Variants in COA1 observed in about 807,000 individuals in gnomAD.
The protein encoded by COA1 is cytochrome c oxidase assembly factor 1 homolog.
In COA1, 13 loss-of-function variants were observed where a neutral mutation model predicts 16.0. That is an observed-to-expected ratio of 0.81 (90% CI 0.53 to 1.29). COA1 has a LOEUF of 1.29. COA1 is among the 50% of genes most tolerant of loss of function. The pLI, the probability that COA1 is intolerant of heterozygous loss-of-function variation, is 0.00. For synonymous variants in COA1, 65 were observed against 65.7 expected (o/e 0.99, Z 0.05); for missense variants, 179 against 177.0 (o/e 1.01, Z -0.06).
chr7:43,647,509 C>A, intron 3 of COA1, 26 bp downstream of exon 3: 3 of 1,530,870 alleles, frequency 2.0e-6, no homozygotes, highest in Non-Finnish European at 1.8e-6. Flanking sequence ...GGAGGTCAGG[C>A]CGCAGGCGGC....
chr7:43,633,390 T>A (rs2085357082), intron 6 of COA1: 1 of 152,188 alleles, frequency 6.6e-6, no homozygotes, highest in Non-Finnish European at 1.5e-5. Flanking sequence ...TACTGTTGTG[T>A]CTCAGGGAAT....
At chr7:43,713,091 G>A (rs941817509) in intron 1 of COA1, among the ~76,000 whole-genome samples, 2 of 152,046 alleles carry the variant, frequency 1.3e-5, no homozygotes, top group Non-Finnish European at 2.9e-5. Context: ...TAGCTGGGAT[G>A]ACAGGATGCA....
intron 6 of COA1, among the ~76,000 whole-genome samples, chr7:43,630,947 T>C (rs938731931): frequency 1.3e-5 from 2 of 152,200 alleles, no homozygotes; most frequent in East Asian, 1.9e-4. Context: ...TTGAGATCTA[T>C]GTCAGACAAT....
At chr7:43,623,009 A>G (rs1331185512) in intron 6 of COA1, 2 of 152,410 alleles carry the variant, frequency 1.3e-5, no homozygotes, top group African/African-American at 4.8e-5. Context: ...TCTCAATTCT[A>G]TAGATGCAAC....
intron 1 of COA1, among the ~76,000 whole-genome samples, chr7:43,716,356 A>C (rs184577932): frequency 6.6e-6 from 1 of 152,296 alleles, no homozygotes; most frequent in East Asian, 1.9e-4. Context: ...GTGGTCTCAG[A>C]TGGAGATGAG....
rs910749862 is a variant in COA1 at position 43,697,790 on chromosome 7, A to G, written c.-39+31639T>C. On this transcript the variant is annotated intron_variant, in intron 1 of 5. Transcript: ENST00000223336. ...TTCCATGGCACATTTCTATTTAAAT[A>G]TTAATCATCTGTAAACATTCCCACA... Among the ~76,000 whole-genome samples, 6 of 152,298 alleles carry G rather than the reference A, an allele frequency of 3.9e-5. No individual in the cohort carries two copies. The South Asian group carries it at 1.2e-3, about 32-fold the overall frequency.
intron 1 of COA1, among the ~76,000 whole-genome samples, chr7:43,693,121 C>G (rs1023180867): frequency 3.3e-5 from 5 of 152,136 alleles, no homozygotes; most frequent in African/African-American, 1.2e-4. Flanking sequence ...CAGCCTTATT[C>G]AGCCACAGCT....
chr7:43,710,734 C>T (rs1281408154), intron 1 of COA1, among the ~76,000 whole-genome samples: 1 of 152,160 alleles, frequency 6.6e-6, no homozygotes, highest in East Asian at 1.9e-4. Flanking sequence ...GTTAGGTAAA[C>T]TTGTCCAAAG....
chr7:43,687,454 A>G (rs2094090505), intron 1 of COA1, among the ~76,000 whole-genome samples: 2 of 152,180 alleles, frequency 1.3e-5, no homozygotes, highest in African/African-American at 4.8e-5. Context: ...AATATATATA[A>G]ACATATACCT....
chr7:43,643,352 CG>C (rs1770183221), intron 4 of COA1, among the ~76,000 whole-genome samples: 1 of 152,228 alleles, frequency 6.6e-6, no homozygotes, highest in Non-Finnish European at 1.5e-5. Flanking sequence ...CTGAGAGAAA[CG>C]CAACAGCCAG....
Position 43,615,558 on chromosome 7 carries a change from T to C in COA1, c.*134-6063A>G, listed in dbSNP as rs79462818. Among the ~76,000 whole-genome samples the C allele has an allele frequency of 3.3e-5, 5 of 152,190 alleles. No individual in the cohort carries two copies. In the East Asian group the frequency reaches 7.7e-4, roughly 23 times the overall value. Reference sequence around the variant, plus strand: ...GTCTGAGGACTCATAGTCATGATGGTACATAGGTGTTTTTTTCGTGAAGAA... The same window carrying C: ...GTCTGAGGACTCATAGTCATGATGGCACATAGGTGTTTTTTTCGTGAAGAA... On this transcript the variant is annotated intron_variant and NMD_transcript_variant, in intron 6 of 6. Coordinates refer to the COA1 transcript ENST00000415076.
chr7:43,619,609 C>T, intron 6 of COA1: 2 of 1,613,162 alleles, frequency 1.2e-6, no homozygotes, highest in Non-Finnish European at 1.7e-6. Context: ...TCAGAATATT[C>T]TGTTGACAAG....
intron 1 of COA1, among the ~76,000 whole-genome samples, chr7:43,721,713 G>A (rs559671212): frequency 6.6e-6 from 1 of 152,114 alleles, no homozygotes; most frequent in Non-Finnish European, 1.5e-5. Flanking sequence ...TGACTATGGT[G>A]TTGGTTATAG....
At chr7:43,642,604 T>C (rs1230184723) in intron 4 of COA1, among the ~76,000 whole-genome samples, 1 of 152,010 alleles carries the variant, frequency 6.6e-6, no homozygotes, top group East Asian at 1.9e-4. Flanking sequence ...GAGAAAGAAA[T>C]GGGCAGAAGC....
intron 1 of COA1, among the ~76,000 whole-genome samples, chr7:43,662,861 A>C (rs932868436): frequency 6.6e-6 from 1 of 152,192 alleles, no homozygotes; most frequent in Non-Finnish European, 1.5e-5. Flanking sequence ...GAACCAAGAG[A>C]CCCAAGGTCT....
At chr7:43,622,599 G>A (rs998422718) in intron 6 of COA1, 2 of 151,874 alleles carry the variant, frequency 1.3e-5, no homozygotes, top group Non-Finnish European at 2.9e-5. Flanking sequence ...TTTTTTTAAG[G>A]AGCATTTTTA....
At chr7:43,648,753 A>G (rs962202117) in intron 1 of COA1, 101 bp from the exon 2 acceptor site, 3 of 806,060 alleles carry the variant, frequency 3.7e-6, no homozygotes, top group African/African-American at 1.7e-5. Context: ...GCTTTAGAAC[A>G]CGAACAAGAA....
At chr7:43,621,152 A>AT (rs1321000790) in intron 6 of COA1, among the ~76,000 whole-genome samples, 3 of 152,218 alleles carry the variant, frequency 2.0e-5, no homozygotes, top group African/African-American at 4.8e-5. Context: ...TAATTCAGAG[A>AT]TTTTTTAAAA....
At chr7:43,677,841 C>T (rs2093607037) in intron 1 of COA1, among the ~76,000 whole-genome samples, 1 of 148,874 alleles carries the variant, frequency 6.7e-6, no homozygotes, top group Non-Finnish European at 1.5e-5. Context: ...ATTTGCTCCT[C>T]TAACAAGTCT....
Sources: gnomAD v4.1 joint callset for allele counts (sites outside exome capture counted in the v4.1 genomes callset) on GRCh38, gnomAD v4.1.1 for gene constraint, MANE v1.5 for transcripts, NCBI Gene and HGNC (gene_info 2026-07-23, HGNC 2026-07-21) for gene names.